GPC5: variants seen among roughly 807,000 people sequenced by gnomAD.
The protein encoded by GPC5 is glypican 5, also known as glypican-5.
Under a neutral mutation model 53.9 loss-of-function variants are expected in GPC5, and 47 were observed. The observed-to-expected ratio is 0.87, with a 90% CI of 0.69 to 1.11. The LOEUF is 1.11. Ranked by LOEUF, GPC5 falls within the 50% of genes most tolerant of loss-of-function variation. GPC5 has a pLI of 0.00. For synonymous variants in GPC5, 286 were observed against 263.3 expected (o/e 1.09, Z -0.84); for missense variants, 748 against 713.1 (o/e 1.05, Z -0.56).
At position 91,475,030 on chromosome 13, in the gene GPC5, A is replaced by G. The variant is rs1839935598; in HGVS notation, c.325+26108A>G. Reference sequence around the variant, plus strand: ...AGAATAAAAGGGTTGTAATATAAAGAACGTTACTATAACTTAAAAATATTC... The same window carrying G: ...AGAATAAAAGGGTTGTAATATAAAGGACGTTACTATAACTTAAAAATATTC... On this transcript the variant is annotated intron_variant, in intron 2 of 7. Coordinates refer to ENST00000377067, the MANE Select transcript of GPC5 (RefSeq NM_004466.6). Among the ~76,000 whole-genome samples the G allele has an allele frequency of 2.0e-5, 3 of 152,212 alleles. No individual in the cohort carries two copies. The South Asian group carries it at 6.2e-4, about 31-fold the overall frequency.
chr13:92,657,019 AAC>A (rs1251085891), intron 7 of GPC5, among the ~76,000 whole-genome samples: 7 of 152,240 alleles, frequency 4.6e-5, no homozygotes, highest in Non-Finnish European at 2.9e-5. Context: ...ATATTTTCAA[AAC>A]ACAATTAAAA....
At chr13:91,624,964 G>GA (rs1173655976) in intron 2 of GPC5, among the ~76,000 whole-genome samples, 3 of 151,464 alleles carry the variant, frequency 2.0e-5, no homozygotes, top group African/African-American at 7.3e-5. Flanking sequence ...AAAATTAGAA[G>GA]AAAATCAACA....
intron 7 of GPC5, among the ~76,000 whole-genome samples, chr13:92,290,997 C>T (rs1000797677): frequency 1.2e-4 from 19 of 152,110 alleles, no homozygotes; most frequent in Admixed American, 7.2e-4. Flanking sequence ...CTGCCAGCCC[C>T]GCTGGCCCCA....
chr13:91,544,891 G>A (rs998833119), intron 2 of GPC5, among the ~76,000 whole-genome samples: 48 of 152,184 alleles, frequency 3.2e-4, no homozygotes, highest in Non-Finnish European at 1.0e-4. Flanking sequence ...CTTGGCTGGA[G>A]CTGGAGGGTC....
chr13:92,237,487 G>C (rs2042579195), intron 7 of GPC5, among the ~76,000 whole-genome samples: 1 of 151,982 alleles, frequency 6.6e-6, no homozygotes, highest in Non-Finnish European at 1.5e-5. Flanking sequence ...CAAAATGCTG[G>C]GATTACAGGT....
intron 2 of GPC5, among the ~76,000 whole-genome samples, chr13:91,503,178 AG>A (rs968251297): frequency 9.2e-5 from 14 of 152,300 alleles, no homozygotes; most frequent in African/African-American, 3.4e-4. Flanking sequence ...TCCAGGCATG[AG>A]AAAGTAATAT....
chr13:92,338,860 A>T (rs1247213156), intron 7 of GPC5, among the ~76,000 whole-genome samples: 3 of 152,142 alleles, frequency 2.0e-5, no homozygotes, highest in Non-Finnish European at 4.4e-5. Flanking sequence ...GTACAATATC[A>T]ACAGTAAATC....
intron 7 of GPC5, among the ~76,000 whole-genome samples, chr13:92,257,825 C>T (rs564768787): frequency 2.0e-5 from 3 of 152,156 alleles, no homozygotes; most frequent in East Asian, 1.9e-4. Context: ...GCTGGGATTA[C>T]AGGCCTGAGC....
At chr13:91,772,613 A>G (rs1356308984) in intron 5 of GPC5, among the ~76,000 whole-genome samples, 1 of 152,232 alleles carries the variant, frequency 6.6e-6, no homozygotes, top group Non-Finnish European at 1.5e-5. Context: ...TTAGAGAAGA[A>G]GGAAGATATT....
intron 7 of GPC5, among the ~76,000 whole-genome samples, chr13:92,611,563 A>G (rs920114870): frequency 6.6e-6 from 1 of 151,696 alleles, no homozygotes; most frequent in African/African-American, 2.4e-5. Context: ...TGTCTATAAA[A>G]TGGAATCTGT....
intron 2 of GPC5, among the ~76,000 whole-genome samples, chr13:91,462,711 G>A (rs543040426): frequency 6.6e-6 from 1 of 152,102 alleles, no homozygotes; most frequent in South Asian, 2.1e-4. Flanking sequence ...CTTAGGACGG[G>A]TGGGTCAAAA....
In GPC5 at chr13:91,782,078, C is replaced by T. The variant is rs145356039; in HGVS notation, c.1280+25658C>T. On this transcript the variant is annotated intron_variant, in intron 5 of 7. Coordinates refer to ENST00000377067, the MANE Select transcript of GPC5 (RefSeq NM_004466.6). ...AGACTGTAATTATATATATTTTTAC[C>T]TGCTGAATGCATTTTGTTTTTAGTC... Among the ~76,000 whole-genome samples, 5 of 152,126 alleles carry T rather than the reference C, an allele frequency of 3.3e-5. No homozygotes were observed. The East Asian group carries it at 7.7e-4, about 24-fold the overall frequency.
chr13:91,412,610 G>C (rs1200252965), intron 1 of GPC5, among the ~76,000 whole-genome samples: 1 of 152,202 alleles, frequency 6.6e-6, no homozygotes, highest in Non-Finnish European at 1.5e-5. Context: ...AATGACTACT[G>C]TGGATATGTG....
Position 92,760,562 on chromosome 13 carries a change from T to C in GPC5, c.1562-105720T>C, listed in dbSNP as rs985929260. Among the ~76,000 whole-genome samples the C allele has an allele frequency of 2.0e-5, 3 of 152,092 alleles. No individual in the cohort carries two copies. The South Asian group carries it at 6.2e-4, about 31-fold the overall frequency. ...ATTTTACATATTTAAGACTTGTTTTTTTTATTCTGGCTAAGAGTTTTTCAA... is the reference window on the plus strand; with the variant it reads ...ATTTTACATATTTAAGACTTGTTTTCTTTATTCTGGCTAAGAGTTTTTCAA... On this transcript the variant is annotated intron_variant, in intron 7 of 7. Transcript: ENST00000377067.
intron 7 of GPC5, among the ~76,000 whole-genome samples, chr13:92,641,374 T>C (rs1365628797): frequency 4.6e-5 from 7 of 152,048 alleles, no homozygotes; most frequent in African/African-American, 1.7e-4. Context: ...GTAAAATTAC[T>C]AGCCTGAATT....
chr13:91,539,299 A>G (rs2029863780), intron 2 of GPC5, among the ~76,000 whole-genome samples: 1 of 149,724 alleles, frequency 6.7e-6, no homozygotes, highest in Non-Finnish European at 1.5e-5. Flanking sequence ...CCCTTTAAAA[A>G]GTGAGTGGGG....
intron 6 of GPC5, among the ~76,000 whole-genome samples, chr13:91,970,096 G>A (rs377627930): frequency 4.5e-4 from 69 of 152,148 alleles, no homozygotes; most frequent in African/African-American, 1.4e-3. Flanking sequence ...TTAAAAAAGA[G>A]GGAAATTTTG....
At chr13:92,126,216 G>A (rs2041696148) in intron 6 of GPC5, among the ~76,000 whole-genome samples, 1 of 152,042 alleles carries the variant, frequency 6.6e-6, no homozygotes, top group African/African-American at 2.4e-5. Context: ...GACTCCCAAA[G>A]TGCTGGGATT....
intron 7 of GPC5, among the ~76,000 whole-genome samples, chr13:92,521,082 C>T (rs912029525): frequency 6.6e-5 from 10 of 152,048 alleles, no homozygotes; most frequent in Non-Finnish European, 1.2e-4. Flanking sequence ...ATGTGAAGGA[C>T]CTCTTCAAGG....
Sources: allele counts gnomAD v4.1 joint callset (sites outside exome capture counted in the v4.1 genomes callset), GRCh38; gene constraint gnomAD v4.1.1; transcripts MANE v1.5; gene names NCBI Gene and HGNC (gene_info 2026-07-23, HGNC 2026-07-21).